The following COL22A1 variants were observed in gnomAD, a reference collection of about 807,000 sequenced individuals.
The protein encoded by COL22A1 is collagen alpha-1(XXII) chain.
In COL22A1, 221 loss-of-function variants were observed where a neutral mutation model predicts 248.9. The ratio of observed to expected loss-of-function variants is 0.89; its 90% confidence interval spans 0.80 to 0.99. The LOEUF (loss-of-function observed/expected upper bound fraction) is 0.99. COL22A1 is among the 50% of genes least tolerant of loss of function. The pLI is 0.00. For synonymous variants in COL22A1, 891 were observed against 793.4 expected (o/e 1.12, Z -2.07); for missense variants, 2,240 against 2,179.0 (o/e 1.03, Z -0.56).
intron 1 of COL22A1, among the ~76,000 whole-genome samples, chr8:138,896,026 T>G (rs572236807): frequency 5.4e-4 from 82 of 152,232 alleles, no homozygotes; most frequent in Non-Finnish European, 9.7e-4. Context: ...AAGAGAACTG[T>G]CAACCCACAA....
At position 138,878,295 on chromosome 8, in the gene COL22A1, T is replaced by C. The variant is rs749888974; in HGVS notation, c.113A>G (p.Asp38Gly). The change falls in exon 3 of 65, where the codon GAT becomes GGT. Residue 38 changes from aspartate (D) to glycine (G), a missense_variant. Physicochemically the swap from Asp to Gly is moderately conservative, Grantham distance 94. Transcript: ENST00000303045. Reference sequence around the variant, plus strand: ...GGAGGTGTCCAGGAGGAAGACCAGATCGTAGTGGACACTTTTGCAACCTGC... The same window carrying C: ...GGAGGTGTCCAGGAGGAAGACCAGACCGTAGTGGACACTTTTGCAACCTGC... ...QRAGCKSVHY[D>G]LVFLLDTSSS... 6.4e-7 allele frequency: 1 copy of C among 1,560,886 alleles called. No individual in the cohort carries two copies. The highest frequency in any genetic ancestry group is 8.7e-7 in the Non-Finnish European group (1 of 1,152,732).
intron 17 of COL22A1, among the ~76,000 whole-genome samples, chr8:138,761,600 G>A (rs1450047997): frequency 1.3e-5 from 2 of 151,328 alleles, no homozygotes; most frequent in African/African-American, 4.9e-5. Flanking sequence ...TTTTATCTAT[G>A]GTTTCATTTT....
chr8:138,878,252 C>T lies in COL22A1; in HGVS notation c.156G>A (p.Glu52=), dbSNP rs1823903419. 1 of 1,589,134 alleles carries T rather than the reference C, an allele frequency of 6.3e-7. No homozygotes were observed. ...CCCACTGCCGGACCTTCTCAAAGTC[C>T]TCCTTGCCCACGCTGGAGGAGGTGT... ...LLDTSSSVGK[E]DFEKVRQWVA... is the part of the protein sequence containing the mutation. Residue 52 remains glutamate, a synonymous_variant, in exon 3 of 65, where the codon GAG becomes GAA. Coordinates refer to ENST00000303045, the MANE Select transcript of COL22A1 (RefSeq NM_152888.3).
intron 16 of COL22A1, among the ~76,000 whole-genome samples, chr8:138,763,163 A>G (rs1223295350): frequency 6.6e-6 from 1 of 152,088 alleles, no homozygotes; most frequent in Non-Finnish European, 1.5e-5. Context: ...GAGGCGGGTG[A>G]ATCACCTGAG....
rs1222974771 is a variant in COL22A1 at position 138,716,285 on chromosome 8, T to C, written c.2405A>G (p.Glu802Gly). 5.0e-6 allele frequency: 8 copies of C among 1,586,454 alleles called. No homozygotes were observed. Among genetic ancestry groups the C allele is most frequent in the Non-Finnish European group, 6.9e-6 (8 of 1,164,390 alleles). Residue 802 changes from glutamate to glycine, a missense_variant, in exon 29 of 65, where the codon GAA becomes GGA. By Grantham distance (98) the Glu-to-Gly change is moderately conservative (BLOSUM62 -2). Coordinates refer to ENST00000303045, the MANE Select transcript of COL22A1 (RefSeq NM_152888.3). The stretch of plus-strand genomic sequence containing the variant: ...GCCTGGAGCCCCTGGGAGGCCTGCT[T>C]CTCCCTGTGAGAACAAAATATTCAC... ...GLAGRPGEKG[E>G]AGLPGAPGFP...
intron 4 of COL22A1, among the ~76,000 whole-genome samples, chr8:138,836,492 T>C (rs1820440746): frequency 6.6e-6 from 1 of 152,176 alleles, no homozygotes; most frequent in Non-Finnish European, 1.5e-5. Flanking sequence ...AACACAACAG[T>C]TGCTCACTAA....
At chr8:138,660,320 C>T in intron 44 of COL22A1, 116 bp downstream of exon 44, 3 of 843,824 alleles carry the variant, frequency 3.6e-6, no homozygotes, top group Non-Finnish European at 5.9e-6. Context: ...CCTCTGCCCA[C>T]AGTTTTGTCA....
Position 138,635,044 on chromosome 8 carries a change from C to T in COL22A1, c.3575G>A (p.Gly1192Asp). The T allele has an allele frequency of 6.2e-7, 1 of 1,609,882 alleles. No homozygotes were observed. The highest frequency in any genetic ancestry group is 1.1e-5 in the South Asian group (1 of 90,652). The change falls in exon 49 of 65, where the codon GGT (glycine) becomes GAT (aspartate). Residue 1192 changes from glycine (G) to aspartate (D), a missense_variant. Gly to Asp is a moderately conservative substitution (Grantham distance 94). Coordinates refer to ENST00000303045, the MANE Select transcript of COL22A1 (RefSeq NM_152888.3). ...AGGGTTCCCTGGGGGCCCCATGAAA[C>T]CTGGAACTCCAGGATGACCCTAGGA... ...KGDQGHPGVP[G>D]FMGPPGNPGP...
chr8:138,902,472 C>T (rs4599849), intron 1 of COL22A1, among the ~76,000 whole-genome samples: 90,255 of 151,606 alleles, frequency 0.6, 28,726 homozygotes, highest in East Asian at 0.84. Context: ...CCGAGGTGGG[C>T]GGATCATGAG....
In COL22A1 at chr8:138,762,406, C is replaced by T; in HGVS notation, c.1857+7G>A. On this transcript the variant is annotated splice_region_variant and intron_variant, in intron 17 of 64. Coordinates refer to ENST00000303045, the MANE Select transcript of COL22A1 (RefSeq NM_152888.3). ...AACCTAGCCCAACAGCGCCAGCACC[C>T]ACCTACCTGCTGTCCTGTGTCCCCA... 2 of 1,614,030 alleles carry T rather than the reference C, an allele frequency of 1.2e-6. No individual in the cohort carries two copies. The highest frequency in any genetic ancestry group is 1.3e-5 in the African/African-American group (1 of 75,024).
chr8:138,747,612 T>C (rs1832229435), intron 22 of COL22A1, among the ~76,000 whole-genome samples: 1 of 152,088 alleles, frequency 6.6e-6, no homozygotes, highest in African/African-American at 2.4e-5. Context: ...TCAAGGAAAA[T>C]TGTCTTCATG....
In COL22A1 at chr8:138,605,509, G is replaced by A. The variant is rs368022620; in HGVS notation, c.4105-740C>T. On this transcript the variant is annotated intron_variant, in intron 58 of 64. Transcript: ENST00000303045. ...CACGTAAAAATCAGTGAATGGGACC[G>A]TGCAAAGCCTGGGCAGCATGGTAGA... 9.2e-5 allele frequency among the ~76,000 whole-genome samples: 14 copies of A among 152,288 alleles called. No homozygotes were observed. The South Asian group carries it at 1.2e-3, about 14-fold the overall frequency.
chr8:138,888,920 C>T (rs1824858272), intron 1 of COL22A1, among the ~76,000 whole-genome samples: 1 of 152,154 alleles, frequency 6.6e-6, no homozygotes, highest in Non-Finnish European at 1.5e-5. Context: ...GATGAACGGC[C>T]AGCATCTGAT....
Position 138,715,709 on chromosome 8 carries a change from T to C in COL22A1, c.2490A>G (p.Pro830=), listed in dbSNP as rs1829379722. The change falls in exon 30 of 65, where the codon CCA becomes CCG. Residue 830 remains proline (P), a synonymous_variant. Transcript: ENST00000303045. ...DQGEKGELGL[P]GLKGDRGEKG... is the part of the protein sequence containing the mutation. ...TTTCACCTCGGTCACCTTTCAGTCC[T>C]GGAAGTCCCAGTTCACCTTTTTCTC... 1 of 1,612,752 alleles carries C rather than the reference T, an allele frequency of 6.2e-7. No homozygotes were observed. The highest frequency in any genetic ancestry group is 8.5e-7 in the Non-Finnish European group (1 of 1,179,052).
intron 4 of COL22A1, among the ~76,000 whole-genome samples, chr8:138,840,408 C>A (rs567339301): frequency 1.3e-5 from 2 of 152,204 alleles, no homozygotes; most frequent in Admixed American, 1.3e-4. Flanking sequence ...ACTCCTCTGG[C>A]TGTGGACTGA....
chr8:138,653,890 C>A, intron 45 of COL22A1, among the ~76,000 whole-genome samples: 1 of 152,144 alleles, frequency 6.6e-6, no homozygotes, highest in Non-Finnish European at 1.5e-5. Context: ...TCCACTCATC[C>A]CAGGCTGTTG....
At chr8:138,790,127 T>G (rs1406769154) in intron 12 of COL22A1, among the ~76,000 whole-genome samples, 1 of 152,160 alleles carries the variant, frequency 6.6e-6, no homozygotes, top group Non-Finnish European at 1.5e-5. Flanking sequence ...CTACAGAAAT[T>G]TATTTCTCAC....
chr8:138,809,722 G>C (rs1818047076), intron 9 of COL22A1, among the ~76,000 whole-genome samples: 2 of 151,866 alleles, frequency 1.3e-5, no homozygotes, highest in African/African-American at 4.8e-5. Context: ...GTTTCACCAT[G>C]TTGGCCAGGC....
At chr8:138,635,376 T>A (rs1049711522) in intron 48 of COL22A1, among the ~76,000 whole-genome samples, 5 of 152,198 alleles carry the variant, frequency 3.3e-5, no homozygotes, top group Non-Finnish European at 7.4e-5. Context: ...TGTGGTTAAG[T>A]GCAGGGTACA....
Sources: allele counts gnomAD v4.1 joint callset (sites outside exome capture counted in the v4.1 genomes callset), GRCh38; gene constraint gnomAD v4.1.1; transcripts MANE v1.5; gene names NCBI Gene and HGNC (gene_info 2026-07-23, HGNC 2026-07-21).